The following HNRNPH1 variants were observed in gnomAD, a reference collection of about 807,000 sequenced individuals.
HNRNPH1 encodes the protein heterogeneous nuclear ribonucleoprotein H.
A neutral mutation model predicts 58.6 loss-of-function variants in HNRNPH1; 4 were observed. The ratio of observed to expected loss-of-function variants is 0.07; its 90% CI spans 0.03 to 0.16. The LOEUF is 0.16. HNRNPH1 is among the 10% of genes least tolerant of loss of function. The pLI is 1.00. For missense variants in HNRNPH1, 271 were observed against 564.2 expected (o/e 0.48, Z 5.26); for synonymous variants, 192 against 189.2 (o/e 1.01, Z -0.12).
chr5:179,632,455 T>C (rs1166081347), intron 2 of HNRNPH1, among the ~76,000 whole-genome samples: 1 of 152,232 alleles, frequency 6.6e-6, no homozygotes, highest in South Asian at 2.1e-4. Context: ...AGCCCCACTG[T>C]TGTGTTGAAG....
At chr5:179,614,784 G>GAAAAAAAAA in exon 13 of HNRNPH1, 4 of 444,358 alleles carry the variant, frequency 9.0e-6, no homozygotes, top group East Asian at 5.0e-5. Flanking sequence ...TTTTCTTAAA[G>GAAAAAAAAA]AAAAAAAAAA....
At chr5:179,617,676 T>G in intron 7 of HNRNPH1, 27 bp from the exon 9 acceptor site, 1 of 1,608,628 alleles carries the variant, frequency 6.2e-7, no homozygotes, top group Non-Finnish European at 8.5e-7. Flanking sequence ...TTCAAAGAAT[T>G]CAACCAACTT....
At chr5:179,617,693 G>A (rs750355470) in intron 7 of HNRNPH1, 44 bp from the exon 9 acceptor site, 182 of 1,604,196 alleles carry the variant, frequency 1.1e-4, no homozygotes, top group South Asian at 2.0e-4. Context: ...ACTTTCTAAC[G>A]TTACAAAAAA....
exon 1 of HNRNPH1, chr5:179,624,350 C>G: frequency 2.5e-6 from 1 of 396,032 alleles, no homozygotes; most frequent in Non-Finnish European, 4.4e-6. Flanking sequence ...CCGGTCGGCG[C>G]GAGGTTTCCG....
intron 1 of HNRNPH1, among the ~76,000 whole-genome samples, chr5:179,622,389 C>T (rs1403190411): frequency 1.3e-5 from 2 of 152,190 alleles, no homozygotes; most frequent in Non-Finnish European, 2.9e-5. Flanking sequence ...AGGAGGAAAT[C>T]CCACCTATGC....
exon 1 of HNRNPH1, chr5:179,623,077 G>C: frequency 6.2e-7 from 1 of 1,606,064 alleles, no homozygotes; most frequent in Non-Finnish European, 8.5e-7. Context: ...AGCAAGACCA[G>C]GGCAAGCCCC....
exon 11 of HNRNPH1, chr5:179,616,203 T>A (rs752003876): frequency 3.0e-5 from 49 of 1,613,962 alleles, no homozygotes; most frequent in Non-Finnish European, 4.0e-5. Context: ...TGGGCCCCCG[T>A]AGCTGGACTG....
upstream of HNRNPH1, among the ~76,000 whole-genome samples, chr5:179,628,501 C>T (rs1562366292): frequency 1.3e-5 from 2 of 152,022 alleles, no homozygotes; most frequent in Non-Finnish European, 2.9e-5. Flanking sequence ...TTACAGGTGC[C>T]TGCCACCACA....
At chr5:179,623,938 A>G (rs575044123) in exon 1 of HNRNPH1, 3 of 152,240 alleles carry the variant, frequency 2.0e-5, no homozygotes, top group Admixed American at 1.3e-4. Context: ...TAATTATTTC[A>G]TGCGCATGCG....
At chr5:179,622,329 C>CA (rs1176505663) in intron 1 of HNRNPH1, among the ~76,000 whole-genome samples, 3 of 152,152 alleles carry the variant, frequency 2.0e-5, no homozygotes, top group African/African-American at 7.2e-5. Context: ...CAAGATATTG[C>CA]AAAACATTAC....
intron 3 of HNRNPH1, 74 bp downstream of exon 4, chr5:179,620,818 C>T: frequency 7.2e-7 from 1 of 1,388,846 alleles, no homozygotes; most frequent in Non-Finnish European, 1.0e-6. Flanking sequence ...AGCTACTCAA[C>T]TTTAACGTCT....
In HNRNPH1 at chr5:179,614,754, CAG is replaced by C. The variant is rs528600577; in HGVS notation, c.*204_*205del. On this transcript the variant is annotated 3_prime_UTR_variant, in exon 13 of 13. Coordinates refer to ENST00000356731, the Ensembl canonical transcript of HNRNPH1. ...AAGCATAAATCACAAGCTTGTATTG[CAG>C]AAACTGTTAAACTGAAGTTTTCTTA... 5 of 677,568 alleles carry C rather than the reference CAG, an allele frequency of 7.4e-6. No individual in the cohort carries two copies. In the South Asian group the frequency reaches 9.0e-5, roughly 12 times the overall value. 42.0% of individuals were successfully genotyped at this position (677,568 alleles called of 1,614,324 possible). A position where few individuals can be genotyped will look rare whatever the true frequency, so the allele number is the denominator to read the frequency against.
chr5:179,627,368 T>A (rs950436620), upstream of HNRNPH1, among the ~76,000 whole-genome samples: 1 of 152,064 alleles, frequency 6.6e-6, no homozygotes, highest in African/African-American at 2.4e-5. Context: ...ATTTTTTTTT[T>A]TTTTGTAGTG....
chr5:179,620,037 C>CCTAGAAGTG (rs1372816871), intron 3 of HNRNPH1: 1 of 152,140 alleles, frequency 6.6e-6, no homozygotes, highest in African/African-American at 2.4e-5. Context: ...AAAGCACTTT[C>CCTAGAAGTG]CTAGAAGATA....
At chr5:179,626,445 G>C (rs924067702), upstream of HNRNPH1, among the ~76,000 whole-genome samples, 2 of 151,106 alleles carry the variant, frequency 1.3e-5, no homozygotes, top group Admixed American at 6.6e-5. Context: ...CAGCCCACGC[G>C]TGGGGCTCAT....
intron 10 of HNRNPH1, 79 bp downstream of exon 11, chr5:179,616,786 TTAAA>T (rs1176586801): frequency 2.3e-5 from 28 of 1,205,954 alleles, no homozygotes; most frequent in Admixed American, 6.3e-5. Flanking sequence ...GCTAAACTTA[TTAAA>T]TAAATAGATT....
At chr5:179,624,260 C>G in exon 1 of HNRNPH1, 1 of 373,426 alleles carries the variant, frequency 2.7e-6, no homozygotes. Flanking sequence ...GCGCCCGAAG[C>G]CACCCGTATG....
upstream of HNRNPH1, among the ~76,000 whole-genome samples, chr5:179,628,612 T>G (rs941049252): frequency 5.3e-5 from 8 of 152,146 alleles, no homozygotes; most frequent in African/African-American, 1.9e-4. Flanking sequence ...ATTACACGCA[T>G]GAGCCACCGC....
chr5:179,631,968 CG>C (rs1774862049), intron 2 of HNRNPH1, among the ~76,000 whole-genome samples: 2 of 152,194 alleles, frequency 1.3e-5, no homozygotes, highest in South Asian at 4.1e-4. Flanking sequence ...CGGCCGCCTC[CG>C]GGACCTGCTC....
Sources: allele counts gnomAD v4.1 joint callset (sites outside exome capture counted in the v4.1 genomes callset), GRCh38; gene constraint gnomAD v4.1.1; transcripts MANE v1.5; gene names NCBI Gene and HGNC (gene_info 2026-07-23, HGNC 2026-07-21).